Variants in BOC observed in about 807,000 individuals in gnomAD.
BOC encodes the protein brother of CDO.
BOC carries 76 observed loss-of-function variants against 112.0 expected under a neutral mutation model. The observed-to-expected ratio is 0.68, with a 90% CI of 0.56 to 0.82. The LOEUF is 0.82. BOC is among the 40% of genes least tolerant of loss of function. The pLI, the probability that BOC is intolerant of heterozygous loss-of-function variation, is 0.00. For synonymous variants in BOC, 580 were observed against 599.8 expected, an observed-to-expected ratio of 0.97 and a Z score of 0.48; for missense variants, 1,309 against 1,511.7, an observed-to-expected ratio of 0.87 and a Z score of 2.22.
intron 6 of BOC, 130 bp from the exon 7 acceptor site, chr3:113,272,280 T>C: frequency 9.9e-7 from 1 of 1,005,410 alleles, no homozygotes; most frequent in Non-Finnish European, 1.5e-6. Context: ...CGCCCCACTC[T>C]ACATAGGTTG....
intron 4 of BOC, among the ~76,000 whole-genome samples, chr3:113,255,216 C>G (rs1946103395): frequency 6.6e-6 from 1 of 152,116 alleles, no homozygotes. Context: ...TTTCACTTCC[C>G]TTTCCCTTTT....
At chr3:113,234,271 T>G (rs1325788832) in intron 2 of BOC, among the ~76,000 whole-genome samples, 1 of 152,106 alleles carries the variant, frequency 6.6e-6, no homozygotes, top group Non-Finnish European at 1.5e-5. Context: ...ATATAGATGA[T>G]CGAAAGGGGA....
intron 19 of BOC, among the ~76,000 whole-genome samples, chr3:113,286,092 A>G (rs1329849581): frequency 6.6e-6 from 1 of 151,984 alleles, no homozygotes; most frequent in Non-Finnish European, 1.5e-5. Flanking sequence ...AGCCCATCCC[A>G]TTGTCTTCCT....
chr3:113,247,305 A>G (rs769033165), intron 2 of BOC, among the ~76,000 whole-genome samples: 2 of 152,166 alleles, frequency 1.3e-5, no homozygotes, highest in Non-Finnish European at 2.9e-5. Flanking sequence ...AACTCATGCA[A>G]TGATCTATAT....
chr3:113,275,331 G>C (rs954475777), intron 9 of BOC, among the ~76,000 whole-genome samples: 1 of 152,180 alleles, frequency 6.6e-6, no homozygotes, highest in African/African-American at 2.4e-5. Context: ...GTCAGGGAGG[G>C]AGTCTCGGGC....
chr3:113,280,888 C>A, intron 14 of BOC, 143 bp from the exon 15 acceptor site: 1 of 1,162,174 alleles, frequency 8.6e-7, no homozygotes, highest in Non-Finnish European at 1.2e-6. Context: ...AACATTTCCT[C>A]CAGCGTTCCT....
chr3:113,262,838 C>T (rs1038245136), intron 4 of BOC, among the ~76,000 whole-genome samples: 3 of 152,148 alleles, frequency 2.0e-5, no homozygotes, highest in Non-Finnish European at 2.9e-5. Flanking sequence ...CAGTTTGGGA[C>T]ACAGGAGAGC....
chr3:113,214,946 A>G (rs1939053841), intron 1 of BOC, among the ~76,000 whole-genome samples: 1 of 152,232 alleles, frequency 6.6e-6, no homozygotes, highest in South Asian at 2.1e-4. Context: ...TAAATTATCC[A>G]CAATCCTATG....
rs1465565831 is a variant in BOC, at chr3:113,272,647, A to C, written c.905A>C (p.Asp302Ala). The C allele has an allele frequency of 6.2e-7, 1 of 1,613,974 alleles. No individual in the cohort carries two copies. The highest frequency in any genetic ancestry group is 1.1e-5 in the South Asian group (1 of 91,068). ...TCAGGCACCTACCGCTGCATGGCCG[A>C]CAATGGGGTTGGGCAGCCCGGGGCA... ...EDSGTYRCMA[D>A]NGVGQPGAAV... The change falls in exon 7 of 20, where the codon GAC becomes GCC. Residue 302 changes from aspartate to alanine, a missense_variant. Asp to Ala is a moderately radical substitution (Grantham distance 126). Coordinates refer to ENST00000682979, the MANE Select transcript of BOC (RefSeq NM_001378074.1).
chr3:113,223,776 C>T (rs1387801047), intron 2 of BOC, among the ~76,000 whole-genome samples: 2 of 152,234 alleles, frequency 1.3e-5, no homozygotes, highest in Non-Finnish European at 2.9e-5. Flanking sequence ...TTCTCTCCTT[C>T]CCTGCCCCAT....
chr3:113,225,314 A>G lies in BOC; in HGVS notation c.-82+9040A>G, dbSNP rs559214247. ...AAAAAAACCCCAACTTCTGTTTGGA[A>G]TAAATAGAGAGCTGAGGCCAGCCAG... On this transcript the variant is annotated intron_variant, in intron 2 of 19. Transcript: ENST00000682979. Among the ~76,000 whole-genome samples, 42 of 152,226 alleles carry G rather than the reference A, an allele frequency of 2.8e-4. No individual in the cohort carries two copies. In the South Asian group the frequency reaches 8.7e-3, roughly 32 times the overall value.
chr3:113,246,378 C>T (rs572570877), intron 2 of BOC, among the ~76,000 whole-genome samples: 2 of 152,214 alleles, frequency 1.3e-5, no homozygotes, highest in Non-Finnish European at 2.9e-5. Context: ...ATAGGCCTTA[C>T]TGTTGCCTTC....
intron 2 of BOC, among the ~76,000 whole-genome samples, chr3:113,227,913 C>G (rs78252357): frequency 6.6e-6 from 1 of 151,222 alleles, no homozygotes; most frequent in Non-Finnish European, 1.5e-5. Context: ...TTACTGTGCT[C>G]TGTGTGCAGG....
intron 2 of BOC, among the ~76,000 whole-genome samples, chr3:113,221,401 C>T (rs1940619832): frequency 6.6e-6 from 1 of 152,214 alleles, no homozygotes; most frequent in African/African-American, 2.4e-5. Context: ...GGGCAAGGCC[C>T]TGCCTCAGGT....
rs187035548 is a variant in BOC, at chr3:113,275,411, C to T, written c.1542+729C>T. Among the ~76,000 whole-genome samples the T allele has an allele frequency of 3.7e-3, 571 of 152,282 alleles. 8 individuals are homozygous for T. The highest frequency in any genetic ancestry group is 0.023 in the East Asian group (118 of 5,174). ...GGACACTGTGTCCTGTGAGGCAGGGCAGGGTCCCCAGGCCGCCACTCTCGC... is the reference window on the plus strand; with the variant it reads ...GGACACTGTGTCCTGTGAGGCAGGGTAGGGTCCCCAGGCCGCCACTCTCGC... On this transcript the variant is annotated intron_variant, in intron 9 of 19. Transcript: ENST00000682979.
chr3:113,233,148 G>GGGGTGTGTGTGTGTGTGT (rs75678874), intron 2 of BOC, among the ~76,000 whole-genome samples: 1 of 123,960 alleles, frequency 8.1e-6, no homozygotes, highest in African/African-American at 3.1e-5. Context: ...AAAGGATTGG[G>GGGGTGTGTGTGTGTGTGT]GTGTGTGTGT....
chr3:113,268,603 C>T (rs1435795960), intron 5 of BOC, among the ~76,000 whole-genome samples, 158 bp downstream of exon 5: 1 of 152,186 alleles, frequency 6.6e-6, no homozygotes, highest in Non-Finnish European at 1.5e-5. Context: ...CAGCTGTCCT[C>T]CTCCCCTTTT....
chr3:113,282,423 C>T (rs1236986974), intron 15 of BOC, among the ~76,000 whole-genome samples: 1 of 152,092 alleles, frequency 6.6e-6, no homozygotes, highest in Non-Finnish European at 1.5e-5. Flanking sequence ...AAATAAACTT[C>T]AAGGTTTCCA....
At chr3:113,271,542 AAT>A in intron 6 of BOC, 1 of 236,132 alleles carries the variant, frequency 4.2e-6, no homozygotes, top group Non-Finnish European at 8.4e-6. Context: ...CCAGAGATGG[AAT>A]CACTGTGAAG....
Sources: allele counts gnomAD v4.1 joint callset (sites outside exome capture counted in the v4.1 genomes callset), GRCh38; gene constraint gnomAD v4.1.1; transcripts MANE v1.5; gene names NCBI Gene and HGNC (gene_info 2026-07-23, HGNC 2026-07-21).